EPHA8: variants seen among roughly 807,000 people sequenced by gnomAD.
The protein encoded by EPHA8 is EPH receptor A8, also known as ephrin type-A receptor 8.
EPHA8 carries 58 observed loss-of-function variants against 103.6 expected under a neutral mutation model. The ratio of observed to expected loss-of-function variants is 0.56; its 90% CI spans 0.45 to 0.70. The LOEUF (loss-of-function observed/expected upper bound fraction) is 0.70. Ranked by LOEUF, EPHA8 falls within the 30% of genes least tolerant of loss-of-function variation. The pLI is 0.00. For synonymous variants in EPHA8, 559 were observed against 572.5 expected (o/e 0.98, Z 0.34); for missense variants, 1,304 against 1,395.2 (o/e 0.93, Z 1.04).
Position 22,601,371 on chromosome 1 carries a change from C to T in EPHA8, c.2801C>T (p.Thr934Ile). 3 of 1,610,172 alleles carry T rather than the reference C, an allele frequency of 1.9e-6. No individual in the cohort carries two copies. Among genetic ancestry groups the T allele is most frequent in the Non-Finnish European group, 2.5e-6 (3 of 1,179,274 alleles). ...RGGSGGGGGL[T>I]VGDWLDSIRM... ...GGCAGCGGTGGCGGTGGGGGCCTCA[C>T]CGTGGGGGACTGGCTGGACTCCATC... Residue 934 changes from threonine (T) to isoleucine (I), a missense_variant, in exon 16 of 17, where the codon ACC becomes ATC. By Grantham distance (89) the Thr-to-Ile change is moderately conservative (BLOSUM62 -1). Transcript: ENST00000166244.
At chr1:22,593,902 A>G (rs1283934660) in intron 7 of EPHA8, among the ~76,000 whole-genome samples, 2 of 152,198 alleles carry the variant, frequency 1.3e-5, no homozygotes, top group African/African-American at 4.8e-5. Flanking sequence ...GTGCAATCTC[A>G]GCTCACTGCA....
chr1:22,601,792 C>T lies in EPHA8; in HGVS notation c.*51C>T. ...CCACCAAGCCCACCCCAGGTCATGC[C>T]AGCGGCAGAGGACGTGAGGGGCTGG... On this transcript the variant is annotated 3_prime_UTR_variant, in exon 17 of 17. Transcript: ENST00000166244. The T allele has an allele frequency of 6.6e-7, 1 of 1,516,116 alleles. No individual in the cohort carries two copies. Among genetic ancestry groups the T allele is most frequent in the Non-Finnish European group, 8.9e-7 (1 of 1,121,278 alleles). 93.9% of individuals were successfully genotyped at this position (1,516,116 alleles called of 1,614,324 possible). A position where few individuals can be genotyped will look rare whatever the true frequency, so the allele number is the denominator to read the frequency against.
At position 22,589,468 on chromosome 1, in the gene EPHA8, T is replaced by C. The variant is rs115670546; in HGVS notation, c.1315+262T>C. 2.5e-4 allele frequency: 374 copies of C among 1,481,522 alleles called. 2 individuals carry two copies. In the African/African-American group the frequency reaches 4.8e-3, roughly 19 times the overall value. The allele number at this position is 1,481,522 out of a possible 1,614,324, so 91.8% of individuals were successfully genotyped here. A position where few individuals can be genotyped will look rare whatever the true frequency, so the allele number is the denominator to read the frequency against. On this transcript the variant is annotated intron_variant, in intron 5 of 16. Coordinates refer to ENST00000166244, the MANE Select transcript of EPHA8 (RefSeq NM_020526.5). This position sits in a 1 kb window ranked among gnomAD's most constrained non-coding sequence, Gnocchi z 4.3. ...CGTCGAAAGCCTAGGTTCCAGAACT[T>C]TCCCTCTCTGTGCCTCAGTTTCCTC...
intron 3 of EPHA8, among the ~76,000 whole-genome samples, chr1:22,585,050 T>TGTGTGTGTGC (rs71020436): frequency 0.033 from 3,051 of 93,440 alleles, 102 homozygotes; most frequent in African/African-American, 0.17. Flanking sequence ...TGTGTGTGTG[T>TGTGTGTGTGC]GCGCACGCGT....
Position 22,569,221 on chromosome 1 carries a change from C to G in EPHA8, c.95-68C>G. The stretch of plus-strand genomic sequence containing the variant: ...TGAGTGTGGACCAGTGTAGCTGGGT[C>G]AGGCTGCTCTTGAGGAGCTGGGGAG... On this transcript the variant is annotated intron_variant, in intron 1 of 16. Coordinates refer to ENST00000166244, the MANE Select transcript of EPHA8 (RefSeq NM_020526.5). The surrounding 1 kb of genome is among the most constrained non-coding windows in gnomAD (Gnocchi z 4.5). The G allele has an allele frequency of 1.6e-5, 25 of 1,534,658 alleles. No homozygotes were observed. The highest frequency in any genetic ancestry group is 2.3e-5 in the Non-Finnish European group (25 of 1,109,904).
chr1:22,578,311 CAT>C (rs1200027480), intron 3 of EPHA8, among the ~76,000 whole-genome samples: 1 of 129,466 alleles, frequency 7.7e-6, no homozygotes, highest in African/African-American at 3.0e-5. Context: ...TGCCTGTGTG[CAT>C]ATGTATGCAT....
chr1:22,596,134 G>T lies in EPHA8; in HGVS notation c.1726G>T (p.Asp576Tyr). 6.2e-7 allele frequency: 1 copy of T among 1,613,946 alleles called. No homozygotes were observed. Among genetic ancestry groups the T allele is most frequent in the Non-Finnish European group, 8.5e-7 (1 of 1,179,978 alleles). Residue 576 changes from aspartate to tyrosine, a missense_variant, in exon 9 of 17, where the codon GAC (aspartate) becomes TAC (tyrosine). Coordinates refer to ENST00000166244, the MANE Select transcript of EPHA8 (RefSeq NM_020526.5). ...RHCGYSKAFQ[D>Y]SDEEKMHYQN... ...CTGTGGCTACAGCAAGGCCTTCCAG[G>T]ACTCGGACGAGGAGAAGATGCACTA... is the stretch of plus-strand genomic sequence containing the variant.
chr1:22,591,518 G>A (rs1222390089), intron 5 of EPHA8, among the ~76,000 whole-genome samples: 1 of 151,708 alleles, frequency 6.6e-6, no homozygotes, highest in Non-Finnish European at 1.5e-5. Context: ...ACCATGCCCA[G>A]CACCACCGCC....
At chr1:22,592,536 T>G (rs1641400700) in intron 5 of EPHA8, among the ~76,000 whole-genome samples, 1 of 152,186 alleles carries the variant, frequency 6.6e-6, no homozygotes, top group South Asian at 2.1e-4. Flanking sequence ...CATGCCAGAA[T>G]CCTCAGCAGC....
intron 3 of EPHA8, among the ~76,000 whole-genome samples, chr1:22,579,028 T>C (rs910414490): frequency 7.6e-5 from 11 of 145,062 alleles, no homozygotes; most frequent in Non-Finnish European, 1.7e-4. Flanking sequence ...TGTGCAAGAG[T>C]ATGTATGCAT....
At position 22,593,513 on chromosome 1, in the gene EPHA8, TC is replaced by T; in HGVS notation, c.1441-8del. The T allele has an allele frequency of 6.2e-7, 1 of 1,611,236 alleles. No homozygotes were observed. The highest frequency in any genetic ancestry group is 8.5e-7 in the Non-Finnish European group (1 of 1,178,880). ...GCAGGGCAGGGCCCACTGACCACCG[TC>T]CCGTGGCAGGACAAGGAGATGCAGA... On this transcript the variant is annotated splice_polypyrimidine_tract_variant and intron_variant, in intron 6 of 16. Coordinates refer to ENST00000166244, the MANE Select transcript of EPHA8 (RefSeq NM_020526.5).
At chr1:22,566,362 GC>G (rs1002035484) in intron 1 of EPHA8, among the ~76,000 whole-genome samples, 2 of 152,228 alleles carry the variant, frequency 1.3e-5, no homozygotes, top group African/African-American at 4.8e-5. Context: ...ATTAGTCTCA[GC>G]GAAATGGAAT....
At position 22,567,606 on chromosome 1, in the gene EPHA8, G is replaced by A. The variant is rs995879732; in HGVS notation, c.95-1683G>A. 6.6e-6 allele frequency among the ~76,000 whole-genome samples: 1 copy of A among 152,052 alleles called. No homozygotes were observed. Among genetic ancestry groups the A allele is most frequent in the African/African-American group, 2.4e-5 (1 of 41,394 alleles). ...CCTCACTCCAGCCGGCCTCCTTCAGGGTCCCTGACGGTGGGGTGGGGAGGG... is the reference window on the plus strand; with the variant it reads ...CCTCACTCCAGCCGGCCTCCTTCAGAGTCCCTGACGGTGGGGTGGGGAGGG... On this transcript the variant is annotated intron_variant, in intron 1 of 16. Transcript: ENST00000166244. The surrounding 1 kb of genome is among the most constrained non-coding windows in gnomAD (Gnocchi z 4.2).
rs1198155892 is a variant in EPHA8, at chr1:22,597,275, C to T, written c.1766-37C>T. 2.6e-6 allele frequency: 4 copies of T among 1,557,628 alleles called. No homozygotes were observed. The Admixed American group carries it at 6.9e-5, about 27-fold the overall frequency. The stretch of plus-strand genomic sequence containing the variant: ...GGAATGTCAGGAAAAAGCAATCTCT[C>T]CTGGGCCCCACTGAAGGCCCTCCTC... On this transcript the variant is annotated intron_variant, in intron 9 of 16. Coordinates refer to ENST00000166244, the MANE Select transcript of EPHA8 (RefSeq NM_020526.5). This position sits in a 1 kb window ranked among gnomAD's most constrained non-coding sequence, Gnocchi z 4.6.
rs1288636231 is a variant in EPHA8 at position 22,600,559 on chromosome 1, A to G, written c.2389-102A>G. ...GGTGGGGGCTGTGTTGTCCCTCTGG[A>G]CTGGAAAACAGGACCCCAGTGTTTA... On this transcript the variant is annotated intron_variant, in intron 13 of 16. Transcript: ENST00000166244. 2.7e-6 allele frequency: 4 copies of G among 1,480,152 alleles called. 1 individual carries two copies. The Admixed American group carries it at 7.4e-5, about 28-fold the overall frequency. The allele number at this position is 1,480,152 out of a possible 1,614,324, so 91.7% of individuals were successfully genotyped here. A position where few individuals can be genotyped will look rare whatever the true frequency, so the allele number is the denominator to read the frequency against.
chr1:22,578,925 A>G (rs1640925815), intron 3 of EPHA8, among the ~76,000 whole-genome samples: 1 of 141,052 alleles, frequency 7.1e-6, no homozygotes, highest in East Asian at 2.2e-4. Context: ...ATGTGCGTTT[A>G]TGTGTGCATG....
At chr1:22,600,077 A>AAGGAAGGGAGGGAGGG (rs1641669356) in intron 13 of EPHA8, among the ~76,000 whole-genome samples, 2 of 95,384 alleles carry the variant, frequency 2.1e-5, no homozygotes, top group Admixed American at 1.1e-4. Flanking sequence ...TGGAGGGAGG[A>AAGGAAGGGAGGGAGGG]AGGAAGGGAG....
At position 22,601,672 on chromosome 1, in the gene EPHA8, G is replaced by C; in HGVS notation, c.2949G>C (p.Lys983Asn). 6.3e-7 allele frequency: 1 copy of C among 1,594,614 alleles called. No individual in the cohort carries two copies. The highest frequency in any genetic ancestry group is 8.5e-7 in the Non-Finnish European group (1 of 1,170,710). ...TCACCCTCATGGGCCACCAGAAGAA[G>C]ATCCTGGGCAGCATTCAGACCATGC... ...LGITLMGHQKKILGSIQTMRA... is the reference protein window; with the variant it reads ...LGITLMGHQKNILGSIQTMRA... Residue 983 changes from lysine (K) to asparagine (N), a missense_variant, in exon 17 of 17, where the codon AAG becomes AAC. By Grantham distance (94) the Lys-to-Asn change is moderately conservative. Coordinates refer to ENST00000166244, the MANE Select transcript of EPHA8 (RefSeq NM_020526.5).
chr1:22,582,475 G>A (rs762500145), intron 3 of EPHA8, among the ~76,000 whole-genome samples: 7 of 152,174 alleles, frequency 4.6e-5, no homozygotes, highest in Non-Finnish European at 7.3e-5. Context: ...TAAGGGACCC[G>A]CCAGGTCACA....
Sources: allele counts gnomAD v4.1 joint callset (sites outside exome capture counted in the v4.1 genomes callset), GRCh38; gene constraint gnomAD v4.1.1; non-coding constraint Gnocchi (gnomAD v3.1); transcripts MANE v1.5; gene names NCBI Gene and HGNC (gene_info 2026-07-23, HGNC 2026-07-21).